The following SELENOT variants were observed in gnomAD, a reference collection of about 807,000 sequenced individuals.
SELENOT encodes thioredoxin reductase-like selenoprotein T.
Under a neutral mutation model 24.3 loss-of-function variants are expected in SELENOT, and 9 were observed. The ratio of observed to expected loss-of-function variants is 0.37; its 90% CI spans 0.22 to 0.65. The LOEUF (loss-of-function observed/expected upper bound fraction) is 0.65, where lower values mean the gene tolerates loss of function less well. Ranked by LOEUF, SELENOT falls within the 30% of genes least tolerant of loss-of-function variation. SELENOT has a pLI of 0.60. For missense variants in SELENOT, 166 were observed against 247.6 expected, an observed-to-expected ratio of 0.67 and a Z score of 2.21; for synonymous variants, 81 against 86.0, an observed-to-expected ratio of 0.94 and a Z score of 0.32.
chr3:150,609,033 G>A (rs1726028509), intron 1 of SELENOT, among the ~76,000 whole-genome samples: 1 of 152,152 alleles, frequency 6.6e-6, no homozygotes, highest in Admixed American at 6.5e-5. Flanking sequence ...GTATTATGTT[G>A]AATAGGAGTG....
rs574803649 is a variant in SELENOT at position 150,605,319 on chromosome 3, G to T, written c.137+1820G>T. ...TGCTTTTCCAAAATACCCCTTTTAC[G>T]TTTGCTTTTTTTGGAACACTTGTCA... On this transcript the variant is annotated intron_variant, in intron 1 of 5. Transcript: ENST00000471696. Among the ~76,000 whole-genome samples, 6 of 151,224 alleles carry T rather than the reference G, an allele frequency of 4.0e-5. No homozygotes were observed. The South Asian group carries it at 1.0e-3, about 26-fold the overall frequency.
chr3:150,625,112 T>C (rs988640555), intron 4 of SELENOT, among the ~76,000 whole-genome samples: 3 of 151,956 alleles, frequency 2.0e-5, no homozygotes, highest in African/African-American at 7.3e-5. Context: ...TCTTTATCTC[T>C]GCTTGAACTT....
rs1318576821 is a variant in SELENOT at position 150,611,690 on chromosome 3, G to T, written c.137+8191G>T. The T allele has an allele frequency of 2.5e-6, 4 of 1,600,106 alleles. No homozygotes were observed. The East Asian group carries it at 8.9e-5, about 36-fold the overall frequency. On this transcript the variant is annotated intron_variant, in intron 1 of 5. Coordinates refer to ENST00000471696, the MANE Select transcript of SELENOT (RefSeq NM_016275.5). ...AGCTGGCGTTGCCTGCTGCCCGACCGCACCGCTCACCATCCTCCGCAGGCA... is the reference window on the plus strand; with the variant it reads ...AGCTGGCGTTGCCTGCTGCCCGACCTCACCGCTCACCATCCTCCGCAGGCA...
At position 150,603,353 on chromosome 3, in the gene SELENOT, C is replaced by T. The variant is rs370159850; in HGVS notation, c.-10C>T. The T allele has an allele frequency of 1.9e-6, 3 of 1,606,414 alleles. No homozygotes were observed. Among genetic ancestry groups the T allele is most frequent in the Non-Finnish European group, 2.6e-6 (3 of 1,175,594 alleles). Reference sequence around the variant, plus strand: ...GTCTGAGGGCGGCCGAAGTGGCTGGCTCATTTAAGATGAGGCTTCTGCTGC... The same window carrying T: ...GTCTGAGGGCGGCCGAAGTGGCTGGTTCATTTAAGATGAGGCTTCTGCTGC... On this transcript the variant is annotated 5_prime_UTR_variant, in exon 1 of 6. Coordinates refer to ENST00000471696, the MANE Select transcript of SELENOT (RefSeq NM_016275.5).
chr3:150,630,055 C>T lies in SELENOT; in HGVS notation c.*2426C>T, dbSNP rs1726524473. ...AAGTTGGTAAAACATGGTTTTATAC[C>T]TCAGTGTATAAGATGTGCAAGACAA... On this transcript the variant is annotated 3_prime_UTR_variant, in exon 6 of 6. Transcript: ENST00000471696. 1.3e-5 allele frequency: 2 copies of T among 152,384 alleles called. No individual in the cohort carries two copies. Among genetic ancestry groups the T allele is most frequent in the African/African-American group, 2.4e-5 (1 of 41,410 alleles). 9.4% of individuals were successfully genotyped at this position (152,384 alleles called of 1,614,324 possible). A position where few individuals can be genotyped will look rare whatever the true frequency, so the allele number is the denominator to read the frequency against.
At chr3:150,604,548 G>A (rs1293483529) in intron 1 of SELENOT, among the ~76,000 whole-genome samples, 1 of 152,112 alleles carries the variant, frequency 6.6e-6, no homozygotes, top group African/African-American at 2.4e-5. Flanking sequence ...CTTCTTTTAA[G>A]AACTTCATGT....
rs981747448 is a variant in SELENOT, at chr3:150,603,441, C to T, written c.79C>T (p.Pro27Ser). Residue 27 changes from proline to serine, a missense_variant, in exon 1 of 6, where the codon CCC (proline) becomes TCC (serine). Pro to Ser is a moderately conservative substitution (Grantham distance 74). This residue lies in a region of SELENOT where 46 missense variants were observed against 49.3 expected (regional missense o/e 0.93). Coordinates refer to ENST00000471696, the MANE Select transcript of SELENOT (RefSeq NM_016275.5). ...GGCCTCGGCCAATCTGGGCGGCGTG[C>T]CCAGCAAGAGATTAAAGATGCAGTA... ...SEASANLGGV[P>S]SKRLKMQYAT... is the part of the protein sequence containing the mutation. 1.9e-6 allele frequency: 3 copies of T among 1,613,100 alleles called. No individual in the cohort carries two copies. The highest frequency in any genetic ancestry group is 1.1e-5 in the South Asian group (1 of 91,012).
rs147107002 is a variant in SELENOT at position 150,629,523 on chromosome 3, C to G, written c.*1894C>G. On this transcript the variant is annotated 3_prime_UTR_variant, in exon 6 of 6. Transcript: ENST00000471696. ...ATTCCACTAGTGCCATAGTTAACTT[C>G]ATGACATGTAGACATTCAAAACTTG... 2.0e-5 allele frequency: 3 copies of G among 152,620 alleles called. No individual in the cohort carries two copies. Among genetic ancestry groups the G allele is most frequent in the Non-Finnish European group, 2.9e-5 (2 of 68,042 alleles). 9.5% of individuals were successfully genotyped at this position (152,620 alleles called of 1,614,324 possible). A position where few individuals can be genotyped will look rare whatever the true frequency, so the allele number is the denominator to read the frequency against.
chr3:150,619,093 C>T (rs1576533117), intron 1 of SELENOT, among the ~76,000 whole-genome samples: 1 of 151,952 alleles, frequency 6.6e-6, no homozygotes, highest in Non-Finnish European at 1.5e-5. Flanking sequence ...TGGTGGTGGG[C>T]GCCTGTAGTC....
intron 1 of SELENOT, among the ~76,000 whole-genome samples, chr3:150,618,016 CCTGCTAATTTTTATATTTT>C (rs1168716375): frequency 6.6e-6 from 1 of 151,998 alleles, no homozygotes; most frequent in East Asian, 1.9e-4. Context: ...GCCACCATGC[CCTGCTAATTTTTATATTTT>C]TAGTAGAGAC....
At position 150,624,808 on chromosome 3, in the gene SELENOT, T is replaced by G. The variant is rs1403655955; in HGVS notation, c.376-4T>G. The G allele has an allele frequency of 7.2e-6, 11 of 1,529,368 alleles. No homozygotes were observed. Among genetic ancestry groups the G allele is most frequent in the Non-Finnish European group, 8.0e-6 (9 of 1,131,966 alleles). The allele number at this position is 1,529,368 out of a possible 1,614,324, so 94.7% of individuals were successfully genotyped here. On this transcript the variant is annotated splice_region_variant and splice_polypyrimidine_tract_variant and intron_variant, in intron 3 of 5. Transcript: ENST00000471696. ...CTGTTGTGCTTAATTATATTTTCTT[T>G]TAGGTTTATGCATGTATGATGGTTT...
chr3:150,611,004 C>CGT (rs113532087), intron 1 of SELENOT, among the ~76,000 whole-genome samples: 18,004 of 145,374 alleles, frequency 0.12, 1,103 homozygotes, highest in East Asian at 0.14. Context: ...CATCATGAGT[C>CGT]GTGTGTGTGT....
chr3:150,611,039 T>TGTGTG (rs1559895634), intron 1 of SELENOT, among the ~76,000 whole-genome samples: 1 of 111,716 alleles, frequency 9.0e-6, no homozygotes, highest in African/African-American at 3.4e-5. Context: ...GTGTGTGTAT[T>TGTGTG]TGTTTTTGTT....
chr3:150,618,458 A>T (rs906790077), intron 1 of SELENOT, among the ~76,000 whole-genome samples: 2 of 152,248 alleles, frequency 1.3e-5, no homozygotes, highest in Non-Finnish European at 2.9e-5. Flanking sequence ...TAGGTTTGAT[A>T]TAAGTAGGCA....
rs371322393 is a variant in SELENOT, at chr3:150,603,468, G to C, written c.106G>C (p.Ala36Pro). Residue 36 changes from alanine to proline, a missense_variant, in exon 1 of 6, where the codon GCC becomes CCC. Ala to Pro is a conservative substitution (Grantham distance 27). Transcript: ENST00000471696. ...VPSKRLKMQY[A>P]TGPLLKFQIC... The stretch of plus-strand genomic sequence containing the variant: ...CAGCAAGAGATTAAAGATGCAGTAC[G>C]CCACGGGGCCGCTGCTCAAGTTCCA... 1 of 1,609,034 alleles carries C rather than the reference G, an allele frequency of 6.2e-7. No homozygotes were observed. The highest frequency in any genetic ancestry group is 1.3e-5 in the African/African-American group (1 of 74,854).
chr3:150,606,105 C>T (rs963032595), intron 1 of SELENOT, among the ~76,000 whole-genome samples: 5 of 150,922 alleles, frequency 3.3e-5, no homozygotes, highest in African/African-American at 4.9e-5. Context: ...GAGTAGCTTA[C>T]GACAGAGTTT....
rs41267887 is a variant in SELENOT, at chr3:150,603,336, G to A, written c.-27G>A. ...TGGGCTGGCTGCAGTCTGTCTGAGG[G>A]CGGCCGAAGTGGCTGGCTCATTTAA... On this transcript the variant is annotated 5_prime_UTR_variant, in exon 1 of 6. Coordinates refer to ENST00000471696, the MANE Select transcript of SELENOT (RefSeq NM_016275.5). 0.016 allele frequency: 25,369 copies of A among 1,604,238 alleles called. 261 individuals carry two copies. The highest frequency in any genetic ancestry group is 0.019 in the Non-Finnish European group (22,202 of 1,172,910).
rs538845237 is a variant in SELENOT at position 150,611,896 on chromosome 3, A to G, written c.137+8397A>G. On this transcript the variant is annotated intron_variant, in intron 1 of 5. Transcript: ENST00000471696. ...CGTTCATGTCTCCGAGCTCCGGGGT[A>G]CCGGCGCTGACAGAAATCCCCACTC... is the stretch of plus-strand genomic sequence containing the variant. 42 of 999,994 alleles carry G rather than the reference A, an allele frequency of 4.2e-5. No homozygotes were observed. In the South Asian group the frequency reaches 6.1e-4, roughly 14 times the overall value. The allele number at this position is 999,994 out of a possible 1,614,324, so 61.9% of individuals were successfully genotyped here. A position where few individuals can be genotyped will look rare whatever the true frequency, so the allele number is the denominator to read the frequency against.
intron 3 of SELENOT, 58 bp downstream of exon 3, chr3:150,623,227 T>C: frequency 2.2e-6 from 3 of 1,377,940 alleles, no homozygotes; most frequent in Non-Finnish European, 2.9e-6. Context: ...TGAAATATTC[T>C]AATAGATTTT....
Sources: allele counts gnomAD v4.1 joint callset (sites outside exome capture counted in the v4.1 genomes callset), GRCh38; gene constraint gnomAD v4.1.1; regional missense constraint gnomAD v4.1.1; transcripts MANE v1.5; gene names NCBI Gene and HGNC (gene_info 2026-07-23, HGNC 2026-07-21).